The following IFT80 variants were observed in gnomAD, a reference collection of about 807,000 sequenced individuals.
IFT80 encodes the protein intraflagellar transport protein 80 homolog.
IFT80 carries 79 observed loss-of-function variants against 107.9 expected under a neutral mutation model. The ratio of observed to expected loss-of-function variants is 0.73; its 90% CI spans 0.61 to 0.88. The LOEUF is 0.88. IFT80 is among the 40% of genes least tolerant of loss of function. The probability of loss-of-function intolerance (pLI) is 0.00; values close to 1 mark genes in which losing one functional copy is unlikely to be tolerated. For missense variants in IFT80, 797 were observed against 914.2 expected, an observed-to-expected ratio of 0.87 and a Z score of 1.65; for synonymous variants, 299 against 300.9, an observed-to-expected ratio of 0.99 and a Z score of 0.07.
At chr3:160,269,031 C>G (rs1172808566) in intron 18 of IFT80, among the ~76,000 whole-genome samples, 1 of 152,094 alleles carries the variant, frequency 6.6e-6, no homozygotes, top group East Asian at 1.9e-4. Flanking sequence ...GAGTTCAAGA[C>G]TAGCCTGGCC....
At chr3:160,364,286 A>G (rs1223378611) in intron 6 of IFT80, among the ~76,000 whole-genome samples, 3 of 152,252 alleles carry the variant, frequency 2.0e-5, no homozygotes, top group Non-Finnish European at 1.5e-5. Flanking sequence ...AGAAATGTAA[A>G]TCAAAACCAC....
chr3:160,351,337 AAAT>A (rs1208751904), intron 8 of IFT80, among the ~76,000 whole-genome samples: 2 of 149,716 alleles, frequency 1.3e-5, no homozygotes, highest in Admixed American at 1.3e-4. Flanking sequence ...TAATTAAGTT[AAAT>A]AATATCTTAC....
At chr3:160,380,966 G>A (rs972418567) in intron 3 of IFT80, among the ~76,000 whole-genome samples, 1 of 151,914 alleles carries the variant, frequency 6.6e-6, no homozygotes, top group African/African-American at 2.4e-5. Flanking sequence ...TGGGCATGGT[G>A]GCTCATACCT....
intron 6 of IFT80, among the ~76,000 whole-genome samples, chr3:160,362,522 G>C (rs1438678433): frequency 1.3e-5 from 2 of 152,144 alleles, no homozygotes; most frequent in Non-Finnish European, 2.9e-5. Flanking sequence ...CATTTTATGA[G>C]GCCAGCATCA....
rs184947319 is a variant in IFT80, at chr3:160,314,888, G to C, written c.957+4872C>G. 7.9e-5 allele frequency among the ~76,000 whole-genome samples: 12 copies of C among 152,232 alleles called. No individual in the cohort carries two copies. The East Asian group carries it at 2.3e-3, about 29-fold the overall frequency. ...AACCAAAGAAAATGACTGGAGGCGA[G>C]CCTCAATCAATTTATAGGTTTATTT... On this transcript the variant is annotated intron_variant, in intron 9 of 19. Transcript: ENST00000326448.
chr3:160,257,189 GGAAAA>G lies in IFT80; in HGVS notation c.*1331_*1335del, dbSNP rs1327961577. The G allele has an allele frequency of 2.6e-5, 4 of 151,688 alleles. No individual in the cohort carries two copies. Among genetic ancestry groups the G allele is most frequent in the African/African-American group, 9.7e-5 (4 of 41,242 alleles). The allele number at this position is 151,688 out of a possible 1,614,324, so 9.4% of individuals were successfully genotyped here. The stretch of plus-strand genomic sequence containing the variant: ...CAAGAACAGAATATTCCAATATTCC[GGAAAA>G]GAAAAGAAACATGTTAAAAAGAAAA... On this transcript the variant is annotated 3_prime_UTR_variant, in exon 20 of 20. Coordinates refer to ENST00000326448, the MANE Select transcript of IFT80 (RefSeq NM_020800.3).
Position 160,319,903 on chromosome 3 carries a change from T to C in IFT80, c.814A>G (p.Ile272Val). 6.2e-7 allele frequency: 1 copy of C among 1,612,306 alleles called. No homozygotes were observed. The highest frequency in any genetic ancestry group is 8.5e-7 in the Non-Finnish European group (1 of 1,179,156). ...TCGATAGACCATGCAATATTAAATA[T>C]GCTGCCAGTGTTGGGTTTTTCTAAT... ...YALEKPNTGS[I>V]FNIAWSIDGT... Residue 272 changes from isoleucine (I) to valine (V), a missense_variant, in exon 9 of 20, where the codon ATA becomes GTA. Physicochemically the swap from Ile to Val is conservative, Grantham distance 29. Transcript: ENST00000326448.
chr3:160,398,372 T>G (rs1427706385), intron 1 of IFT80, among the ~76,000 whole-genome samples: 1 of 152,014 alleles, frequency 6.6e-6, no homozygotes, highest in Non-Finnish European at 1.5e-5. Context: ...TGATTTAACA[T>G]GCCAGACCCT....
intron 2 of IFT80, chr3:160,383,590 C>G: frequency 1.1e-6 from 1 of 872,576 alleles, no homozygotes; most frequent in Middle Eastern, 5.9e-4. Context: ...ATAACAATGT[C>G]AAATTGCTAC....
At chr3:160,394,136 G>C (rs1237472448) in intron 1 of IFT80, 1 of 152,264 alleles carries the variant, frequency 6.6e-6, no homozygotes, top group Non-Finnish European at 1.5e-5. Context: ...GTAGAAAAGA[G>C]AGAGAAGCAG....
chr3:160,397,556 T>C (rs996636705), intron 1 of IFT80, among the ~76,000 whole-genome samples: 3 of 152,194 alleles, frequency 2.0e-5, no homozygotes, highest in Non-Finnish European at 2.9e-5. Context: ...AGGTATTATA[T>C]GCTAGTTTCA....
At chr3:160,346,218 G>A (rs1393604850) in intron 8 of IFT80, among the ~76,000 whole-genome samples, 3 of 152,082 alleles carry the variant, frequency 2.0e-5, no homozygotes, top group Admixed American at 6.5e-5. Context: ...TAATAACAAA[G>A]TATTGTAAAT....
intron 12 of IFT80, among the ~76,000 whole-genome samples, chr3:160,292,764 G>A (rs1470825510): frequency 6.6e-6 from 1 of 152,024 alleles, no homozygotes; most frequent in Non-Finnish European, 1.5e-5. Flanking sequence ...CTCAGGGAGA[G>A]GGGGAGGAGA....
At chr3:160,381,827 G>C in intron 2 of IFT80, 103 bp from the exon 3 acceptor site, 1 of 897,486 alleles carries the variant, frequency 1.1e-6, no homozygotes, top group East Asian at 2.4e-5. Context: ...GGGTCAAATG[G>C]TTTCAAGATT....
At chr3:160,378,492 G>GT (rs1217249065) in intron 3 of IFT80, among the ~76,000 whole-genome samples, 1 of 151,776 alleles carries the variant, frequency 6.6e-6, no homozygotes, top group Admixed American at 6.6e-5. Context: ...CTGTTATCTT[G>GT]TTTTTTTAAA....
At chr3:160,374,680 G>A (rs913131206) in intron 5 of IFT80, among the ~76,000 whole-genome samples, 2 of 152,178 alleles carry the variant, frequency 1.3e-5, no homozygotes, top group African/African-American at 4.8e-5. Context: ...GTCACAAAGT[G>A]AGAATGTCAA....
intron 4 of IFT80, 92 bp from the exon 5 acceptor site, chr3:160,375,972 C>T (rs1337530429): frequency 3.8e-6 from 3 of 783,588 alleles, no homozygotes; most frequent in African/African-American, 1.8e-5. Context: ...CAGTATCTAC[C>T]GCATATTCTT....
chr3:160,372,430 G>A (rs1335287318), intron 5 of IFT80, among the ~76,000 whole-genome samples: 1 of 152,098 alleles, frequency 6.6e-6, no homozygotes, highest in East Asian at 1.9e-4. Flanking sequence ...AGTAATTAGG[G>A]ACCTTTCCTT....
intron 1 of IFT80, among the ~76,000 whole-genome samples, chr3:160,397,983 A>T (rs1396247875): frequency 6.6e-6 from 1 of 152,048 alleles, no homozygotes; most frequent in Non-Finnish European, 1.5e-5. Flanking sequence ...ATACCTCCCC[A>T]ACTCAGGTTT....
Sources: gnomAD v4.1 joint callset for allele counts (sites outside exome capture counted in the v4.1 genomes callset) on GRCh38, gnomAD v4.1.1 for gene constraint, MANE v1.5 for transcripts, NCBI Gene and HGNC (gene_info 2026-07-23, HGNC 2026-07-21) for gene names.